DOT1L: variants seen among roughly 807,000 people sequenced by gnomAD.
DOT1L encodes the protein DOT1 like histone lysine methyltransferase, also known as histone-lysine N-methyltransferase, H3 lysine-79 specific.
A neutral mutation model predicts 153.3 loss-of-function variants in DOT1L; 33 were observed. The ratio of observed to expected loss-of-function variants is 0.22; its 90% CI spans 0.16 to 0.29. DOT1L has a LOEUF of 0.29. DOT1L is among the 10% of genes least tolerant of loss of function. The probability of loss-of-function intolerance (pLI) is 1.00; values close to 1 mark genes in which losing one functional copy is unlikely to be tolerated. For missense variants in DOT1L, 1,847 were observed against 2,119.9 expected, an observed-to-expected ratio of 0.87 and a Z score of 2.53; for synonymous variants, 1,135 against 965.1, an observed-to-expected ratio of 1.18 and a Z score of -3.26.
At chr19:2,196,744 G>A (rs1013127551) in intron 7 of DOT1L, among the ~76,000 whole-genome samples, 1 of 152,148 alleles carries the variant, frequency 6.6e-6, no homozygotes, top group Non-Finnish European at 1.5e-5. Flanking sequence ...GTGCTGGCCG[G>A]CGCTGGCATT....
chr19:2,216,415 C>T lies in DOT1L; in HGVS notation c.2058C>T (p.Asp686=), dbSNP rs760724639. The part of the protein sequence containing the change: ...KGALGRELEP[D]ASRLHLELDC... ...CCCTGGGCCGCGAGCTGGAGCCTGA[C>T]GCCAGCCGGCTGCACCTGGAGCTGG... The change falls in exon 20 of 28, where the codon GAC becomes GAT. Residue 686 remains aspartate, a synonymous_variant. Transcript: ENST00000398665. The T allele has an allele frequency of 4.6e-5, 74 of 1,612,376 alleles. No homozygotes were observed. Among genetic ancestry groups the T allele is most frequent in the Non-Finnish European group, 5.3e-5 (63 of 1,179,910 alleles).
At position 2,208,371 on chromosome 19, in the gene DOT1L, G is replaced by A. The variant is rs535731049; in HGVS notation, c.964-564G>A. ...TCTGCACCCTCACTGTCCAGTGCTC[G>A]GAGCCTCCACTAGAGCCTGCCTGGG... is the stretch of plus-strand genomic sequence containing the variant. On this transcript the variant is annotated intron_variant, in intron 11 of 27. Coordinates refer to ENST00000398665, the MANE Select transcript of DOT1L (RefSeq NM_032482.3). This position sits in a 1 kb window ranked among gnomAD's most constrained non-coding sequence, Gnocchi z 4.4. 4.6e-5 allele frequency among the ~76,000 whole-genome samples: 7 copies of A among 152,062 alleles called. No individual in the cohort carries two copies. The East Asian group carries it at 1.2e-3, about 25-fold the overall frequency.
At position 2,213,524 on chromosome 19, in the gene DOT1L, C is replaced by G. The variant is rs1302003374; in HGVS notation, c.1558-15C>G. 6.2e-7 allele frequency: 1 copy of G among 1,611,676 alleles called. No individual in the cohort carries two copies. Among genetic ancestry groups the G allele is most frequent in the South Asian group, 1.1e-5 (1 of 90,964 alleles). ...CTGCCCTGGCCCTTAGTCACCTGCC[C>G]TGTTTGTCCTACAGGAGAAGAACGC... On this transcript the variant is annotated splice_polypyrimidine_tract_variant and intron_variant, in intron 16 of 27. Transcript: ENST00000398665.
rs201460295 is a variant in DOT1L at position 2,175,004 on chromosome 19, AT to A, written c.82-5696del. On this transcript the variant is annotated intron_variant, in intron 1 of 27. Coordinates refer to ENST00000398665, the MANE Select transcript of DOT1L (RefSeq NM_032482.3). ...TGTGTGTGTGTGTGTGTATATATAT[AT>A]TTTTTTTTTTTTAGATGGAGTCTTG... is the stretch of plus-strand genomic sequence containing the variant. Among the ~76,000 whole-genome samples the A allele has an allele frequency of 1.5e-3, 166 of 107,206 alleles. 1 individual carries two copies. The highest frequency in any genetic ancestry group is 4.4e-3 in the Middle Eastern group (1 of 226). The allele number at this position is 107,206 out of a possible 152,430, so 70.3% of individuals were successfully genotyped here.
intron 2 of DOT1L, among the ~76,000 whole-genome samples, chr19:2,182,619 C>G (rs1395485859): frequency 1.3e-5 from 2 of 152,126 alleles, no homozygotes; most frequent in African/African-American, 4.8e-5. Flanking sequence ...CAGACGTGGT[C>G]TCTCTGGGTT....
intron 1 of DOT1L, among the ~76,000 whole-genome samples, chr19:2,172,414 C>T (rs2021688600): frequency 1.3e-5 from 2 of 151,800 alleles, no homozygotes; most frequent in Admixed American, 6.6e-5. Flanking sequence ...TGGTCTCGAT[C>T]TCCTGACCTC....
Position 2,216,783 on chromosome 19 carries a change from G to T in DOT1L, c.2408+18G>T. On this transcript the variant is annotated intron_variant, in intron 20 of 27. Transcript: ENST00000398665. ...CATTCGAGGTGAGTGCCCTGGTGGG[G>T]CTGGGGGTCTGCAGCTGGTACCTGC... 6.3e-7 allele frequency: 1 copy of T among 1,576,670 alleles called. No homozygotes were observed. The highest frequency in any genetic ancestry group is 8.6e-7 in the Non-Finnish European group (1 of 1,164,066).
intron 18 of DOT1L, 42 bp downstream of exon 18, chr19:2,214,028 G>T (rs200067534): frequency 6.1e-5 from 98 of 1,593,902 alleles, no homozygotes; most frequent in Middle Eastern, 3.6e-4. Flanking sequence ...GAACCAGAGG[G>T]GCCCTGCCTG....
At chr19:2,223,619 C>T (rs957066368) in intron 25 of DOT1L, 133 bp downstream of exon 25, 23 of 1,091,686 alleles carry the variant, frequency 2.1e-5, no homozygotes, top group African/African-American at 7.9e-5. Flanking sequence ...GGGAGGAAGG[C>T]GTCTGTTTTG....
At chr19:2,211,000 C>G in intron 14 of DOT1L, 99 bp from the exon 15 acceptor site, 3 of 1,460,338 alleles carry the variant, frequency 2.1e-6, no homozygotes. Flanking sequence ...CAGGGTGGCC[C>G]CATCCTAAGG....
At chr19:2,195,206 G>A (rs2022965580) in intron 7 of DOT1L, among the ~76,000 whole-genome samples, 1 of 152,090 alleles carries the variant, frequency 6.6e-6, no homozygotes, top group Non-Finnish European at 1.5e-5. Context: ...CAGGTTGGGT[G>A]ATTAATGGGC....
chr19:2,226,713 G>A lies in DOT1L; in HGVS notation c.4192G>A (p.Gly1398Arg), dbSNP rs780009010. The change falls in exon 27 of 28, where the codon GGG becomes AGG. Residue 1398 changes from glycine (G) to arginine (R), a missense_variant. Around this residue, in one of 8 missense-constraint regions of DOT1L, gnomAD observed 934 missense variants for 825.3 expected, o/e 1.13. Coordinates refer to ENST00000398665, the MANE Select transcript of DOT1L (RefSeq NM_032482.3). ...AGGGGAGGGCGGCCTACCGCTGTGC[G>A]GGCCCACGGACAAGACCCCACTGCT... ...EAGEGGLPLC[G>R]PTDKTPLLSG... The A allele has an allele frequency of 2.6e-6, 4 of 1,565,528 alleles. No individual in the cohort carries two copies. Among genetic ancestry groups the A allele is most frequent in the Admixed American group, 1.8e-5 (1 of 55,162 alleles).
chr19:2,183,900 T>C (rs1427453437), intron 2 of DOT1L, among the ~76,000 whole-genome samples: 285 of 142,290 alleles, frequency 2.0e-3, no homozygotes, highest in Middle Eastern at 3.4e-3. Context: ...ACTGGGATTA[T>C]AGGCATGAGC....
chr19:2,167,014 C>T (rs1452198450), intron 1 of DOT1L, among the ~76,000 whole-genome samples: 1 of 152,170 alleles, frequency 6.6e-6, no homozygotes, highest in Non-Finnish European at 1.5e-5. Flanking sequence ...CGTGTTGCTG[C>T]AGGTTTCAAA....
In DOT1L at chr19:2,230,004, T is replaced by G; in HGVS notation, c.*212T>G. On this transcript the variant is annotated 3_prime_UTR_variant, in exon 28 of 28. Transcript: ENST00000398665. ...TAGTTTTAGATAAAGTATTTATCAT[T>G]TTTTAAAAAGTATAAACAATTCTGA... 4 of 753,390 alleles carry G rather than the reference T, an allele frequency of 5.3e-6. No homozygotes were observed. The highest frequency in any genetic ancestry group is 6.3e-6 in the Non-Finnish European group (3 of 478,676). The allele number at this position is 753,390 out of a possible 1,614,324, so 46.7% of individuals were successfully genotyped here. A position where few individuals can be genotyped will look rare whatever the true frequency, so the allele number is the denominator to read the frequency against.
chr19:2,219,311 TTTTTGTAC>T (rs2024026345), intron 22 of DOT1L, among the ~76,000 whole-genome samples: 1 of 152,132 alleles, frequency 6.6e-6, no homozygotes, highest in African/African-American at 2.4e-5. Flanking sequence ...CCCGGCCGGT[TTTTTGTAC>T]TTTTATACAC....
At chr19:2,188,748 C>A (rs1024743728) in intron 3 of DOT1L, among the ~76,000 whole-genome samples, 2 of 152,166 alleles carry the variant, frequency 1.3e-5, no homozygotes, top group African/African-American at 4.8e-5. Flanking sequence ...CGCTGTTGTC[C>A]ACATTTTGCC....
At chr19:2,198,589 G>A (rs775227346) in intron 7 of DOT1L, among the ~76,000 whole-genome samples, 3 of 152,224 alleles carry the variant, frequency 2.0e-5, no homozygotes, top group Non-Finnish European at 4.4e-5. Context: ...CGGGGACTCC[G>A]TCCCCATCCT....
In DOT1L at chr19:2,211,080, C is replaced by T. The variant is rs1399477510; in HGVS notation, c.1352-19C>T. 7 of 1,608,450 alleles carry T rather than the reference C, an allele frequency of 4.4e-6. No homozygotes were observed. Among genetic ancestry groups the T allele is most frequent in the Admixed American group, 1.7e-5 (1 of 59,750 alleles). On this transcript the variant is annotated intron_variant, in intron 14 of 27. Coordinates refer to ENST00000398665, the MANE Select transcript of DOT1L (RefSeq NM_032482.3). The stretch of plus-strand genomic sequence containing the variant: ...CTCCCGACCCGCCCTGTGCTGACGC[C>T]TGCCCTCCGCTCTCCCAGATGCCTA...
Sources: gnomAD v4.1 joint callset for allele counts (sites outside exome capture counted in the v4.1 genomes callset) on GRCh38, gnomAD v4.1.1 for gene constraint, gnomAD v4.1.1 regional missense constraint, Gnocchi (gnomAD v3.1) non-coding constraint, MANE v1.5 for transcripts, NCBI Gene and HGNC (gene_info 2026-07-23, HGNC 2026-07-21) for gene names.